The following LRRTM4 variants were observed in gnomAD, a reference collection of about 807,000 sequenced individuals.
LRRTM4 encodes leucine rich repeat transmembrane neuronal 4, also known as leucine-rich repeat transmembrane neuronal protein 4.
LRRTM4 carries 25 observed loss-of-function variants against 47.6 expected under a neutral mutation model. The observed-to-expected ratio is 0.53, with a 90% CI of 0.38 to 0.73. The LOEUF (loss-of-function observed/expected upper bound fraction) is 0.73. Among genes scored for constraint, LRRTM4 ranks in the 30% least tolerant of loss-of-function variants. LRRTM4 has a pLI of 0.00. For missense variants in LRRTM4, 638 were observed against 713.4 expected (o/e 0.89, Z 1.20); for synonymous variants, 311 against 269.5 (o/e 1.15, Z -1.51).
chr2:76,958,772 C>T (rs1005483725), intron 3 of LRRTM4, among the ~76,000 whole-genome samples: 2 of 151,674 alleles, frequency 1.3e-5, no homozygotes, highest in Non-Finnish European at 3.0e-5. Flanking sequence ...ATTAGAATTA[C>T]CATAAAGTGT....
chr2:76,755,211 T>C (rs1048077775), intron 3 of LRRTM4, among the ~76,000 whole-genome samples: 2 of 152,184 alleles, frequency 1.3e-5, no homozygotes, highest in Admixed American at 1.3e-4. Context: ...AATATTTATA[T>C]AGATTAAGTT....
At chr2:76,940,791 C>T (rs1046569086) in intron 3 of LRRTM4, among the ~76,000 whole-genome samples, 2 of 152,136 alleles carry the variant, frequency 1.3e-5, no homozygotes, top group African/African-American at 4.8e-5. Context: ...CTGTGCTAAC[C>T]TGAACTCCCT....
intron 3 of LRRTM4, among the ~76,000 whole-genome samples, chr2:77,122,692 T>G (rs1671551465): frequency 6.6e-6 from 1 of 151,622 alleles, no homozygotes; most frequent in South Asian, 2.1e-4. Flanking sequence ...ACCATAAATT[T>G]TTTTCCTCAT....
chr2:77,248,332 T>C (rs1432177551), intron 3 of LRRTM4, among the ~76,000 whole-genome samples: 2 of 151,954 alleles, frequency 1.3e-5, no homozygotes, highest in African/African-American at 2.4e-5. Flanking sequence ...AAAATAGATA[T>C]AAATCTAACA....
chr2:77,467,888 T>A (rs1416243027), intron 3 of LRRTM4, among the ~76,000 whole-genome samples: 1 of 152,242 alleles, frequency 6.6e-6, no homozygotes, highest in Admixed American at 6.5e-5. Flanking sequence ...TTTTAAAAAA[T>A]ATCAAAGGTT....
intron 3 of LRRTM4, among the ~76,000 whole-genome samples, chr2:77,345,420 A>G (rs535828681): frequency 6.6e-6 from 1 of 152,068 alleles, no homozygotes; most frequent in South Asian, 2.1e-4. Context: ...ACTTTTGTGA[A>G]GAATATATAA....
rs1266313588 is a variant in LRRTM4 at position 76,931,896 on chromosome 2, T to C, written c.1552-182980A>G. 2.6e-5 allele frequency among the ~76,000 whole-genome samples: 4 copies of C among 152,230 alleles called. No homozygotes were observed. The East Asian group carries it at 5.8e-4, about 22-fold the overall frequency. ...CCTACTAATAATTTCAATATTATGA[T>C]AGAGTGCATTAAGTTGAGAGAAAGG... On this transcript the variant is annotated intron_variant, in intron 3 of 3. Transcript: ENST00000409884.
intron 3 of LRRTM4, among the ~76,000 whole-genome samples, chr2:77,139,968 TA>T (rs1672070646): frequency 6.6e-6 from 1 of 152,034 alleles, no homozygotes; most frequent in African/African-American, 2.4e-5. Context: ...CTCAATGAAA[TA>T]AAAGAGGACC....
chr2:77,267,513 A>T (rs915076464), intron 3 of LRRTM4, among the ~76,000 whole-genome samples: 6 of 152,178 alleles, frequency 3.9e-5, no homozygotes, highest in African/African-American at 1.4e-4. Context: ...CAGCATTAAT[A>T]CATTTATGAG....
rs867523190 is a variant in LRRTM4, at chr2:77,519,423, T to C, written c.446A>G (p.Gln149Arg). 2 of 1,613,374 alleles carry C rather than the reference T, an allele frequency of 1.2e-6. No homozygotes were observed. Among genetic ancestry groups the C allele is most frequent in the Admixed American group, 3.3e-5 (2 of 59,880 alleles). ...CCGAAGGCCTTTAAATTGTTCAGAT[T>C]GCAATGTCTGAAGCTTATTGTAGGA... ...DLSYNKLQTL[Q>R]SEQFKGLRKL... Residue 149 changes from glutamine (Q) to arginine (R), a missense_variant, in exon 3 of 4, where the codon CAA becomes CGA. Gln to Arg is a conservative substitution (Grantham distance 43). Coordinates refer to ENST00000409884, the MANE Select transcript of LRRTM4 (RefSeq NM_001134745.3). The surrounding 1 kb of genome is among the most constrained non-coding windows in gnomAD (Gnocchi z 4.6).
At chr2:76,864,261 C>A (rs1282259064) in intron 3 of LRRTM4, among the ~76,000 whole-genome samples, 1 of 152,106 alleles carries the variant, frequency 6.6e-6, no homozygotes, top group African/African-American at 2.4e-5. Flanking sequence ...CAATATGAAA[C>A]CAAGCTATCC....
intron 3 of LRRTM4, among the ~76,000 whole-genome samples, chr2:77,253,343 G>T (rs1189152791): frequency 6.6e-6 from 1 of 152,072 alleles, no homozygotes; most frequent in Non-Finnish European, 1.5e-5. Context: ...CCACCACTCA[G>T]TAGTAAAGAG....
intron 3 of LRRTM4, among the ~76,000 whole-genome samples, chr2:77,397,172 A>G (rs290025): frequency 0.47 from 70,974 of 151,674 alleles, 16,837 homozygotes; most frequent in East Asian, 0.61. Flanking sequence ...TGTGATACCA[A>G]GATCAAAATA....
At chr2:76,934,146 T>G (rs574561666) in intron 3 of LRRTM4, among the ~76,000 whole-genome samples, 24 of 152,312 alleles carry the variant, frequency 1.6e-4, no homozygotes, top group Admixed American at 1.6e-3. Flanking sequence ...AGAATTTAAA[T>G]AAATGGGTCT....
intron 3 of LRRTM4, among the ~76,000 whole-genome samples, chr2:77,055,102 GCTA>G (rs1261387282): frequency 6.6e-6 from 1 of 152,084 alleles, no homozygotes; most frequent in Non-Finnish European, 1.5e-5. Context: ...TACTGACTCC[GCTA>G]CTTAGAGTTA....
intron 3 of LRRTM4, among the ~76,000 whole-genome samples, chr2:77,062,686 T>C (rs1679825325): frequency 6.6e-6 from 1 of 152,176 alleles, no homozygotes; most frequent in South Asian, 2.1e-4. Context: ...TCTCTGTCTC[T>C]ATCTCTTCCC....
At chr2:76,913,161 C>T (rs534302889) in intron 3 of LRRTM4, among the ~76,000 whole-genome samples, 1 of 152,204 alleles carries the variant, frequency 6.6e-6, no homozygotes, top group Non-Finnish European at 1.5e-5. Context: ...TCCTGCTTTG[C>T]TTGTCCATAA....
chr2:77,081,312 C>A, intron 3 of LRRTM4, among the ~76,000 whole-genome samples: 1 of 146,982 alleles, frequency 6.8e-6, no homozygotes, highest in African/African-American at 2.5e-5. Flanking sequence ...TGGAAAAGAG[C>A]AAAATGTTTA....
chr2:77,014,897 AAG>A (rs1176860188), intron 3 of LRRTM4, among the ~76,000 whole-genome samples: 3 of 152,000 alleles, frequency 2.0e-5, no homozygotes, highest in Admixed American at 6.5e-5. Context: ...ATTTTTTTCA[AAG>A]AGATTTTTTA....
Sources: gnomAD v4.1 joint callset for allele counts (sites outside exome capture counted in the v4.1 genomes callset) on GRCh38, gnomAD v4.1.1 for gene constraint, Gnocchi (gnomAD v3.1) non-coding constraint, MANE v1.5 for transcripts, NCBI Gene and HGNC (gene_info 2026-07-23, HGNC 2026-07-21) for gene names.